Variants in UGT1A10 observed in about 807,000 individuals in gnomAD.
The protein encoded by UGT1A10 is UDP glucuronosyltransferase family 1 member A10.
Under a neutral mutation model 45.8 loss-of-function variants are expected in UGT1A10, and 49 were observed. That is an observed-to-expected ratio of 1.07 (90% CI 0.85 to 1.36). UGT1A10 has a LOEUF of 1.36. Among genes scored for constraint, UGT1A10 ranks in the 40% most tolerant of loss-of-function variants. The pLI is 0.00. For missense variants in UGT1A10, 745 were observed against 668.6 expected (o/e 1.11, Z -1.26); for synonymous variants, 284 against 249.7 (o/e 1.14, Z -1.29).
chr2:233,672,165 T>C (rs748276868), intron 1 of UGT1A10: 3 of 1,614,198 alleles, frequency 1.9e-6, no homozygotes, highest in Admixed American at 1.7e-5. Context: ...TGAAGACTTA[T>C]TCAACTTCAT....
chr2:233,654,920 C>T (rs1008413938), intron 1 of UGT1A10, among the ~76,000 whole-genome samples: 43 of 152,162 alleles, frequency 2.8e-4, no homozygotes, highest in African/African-American at 9.6e-4. Flanking sequence ...GGCAAAACCC[C>T]GTCTCTACTA....
At chr2:233,655,754 G>C in intron 1 of UGT1A10, among the ~76,000 whole-genome samples, 1 of 152,152 alleles carries the variant, frequency 6.6e-6, no homozygotes, top group South Asian at 2.1e-4. Flanking sequence ...GAGGTTCACA[G>C]AGCCCCATCC....
At chr2:233,729,299 C>T in intron 1 of UGT1A10, 2 of 1,614,234 alleles carry the variant, frequency 1.2e-6, no homozygotes, top group Non-Finnish European at 1.7e-6. Flanking sequence ...GGCCACCAGG[C>T]AGTGGTCCTC....
rs963894028 is a variant in UGT1A10 at position 233,682,891 on chromosome 2, T to C, written c.855+45514T>C. The stretch of plus-strand genomic sequence containing the variant: ...ATTTATCATTTACATTTGTCCCATT[T>C]GGAATTTCTTTCTGGTTTAAGGAAT... On this transcript the variant is annotated intron_variant, in intron 1 of 4. Coordinates refer to ENST00000344644, the MANE Select transcript of UGT1A10 (RefSeq NM_019075.4). 6.6e-6 allele frequency: 10 copies of C among 1,508,600 alleles called. No individual in the cohort carries two copies. The African/African-American group carries it at 1.1e-4, about 17-fold the overall frequency. The allele number at this position is 1,508,600 out of a possible 1,614,324, so 93.5% of individuals were successfully genotyped here. A position where few individuals can be genotyped will look rare whatever the true frequency, so the allele number is the denominator to read the frequency against.
intron 1 of UGT1A10, among the ~76,000 whole-genome samples, chr2:233,683,302 A>G (rs2074626925): frequency 6.6e-6 from 1 of 152,108 alleles, no homozygotes; most frequent in South Asian, 2.1e-4. Context: ...TTACAGGTCA[A>G]TGCATACAGA....
chr2:233,705,461 A>C (rs142417974), intron 1 of UGT1A10, among the ~76,000 whole-genome samples: 3,272 of 152,314 alleles, frequency 0.021, 112 homozygotes, highest in African/African-American at 0.075. Flanking sequence ...ATTTTTTAGC[A>C]GACACACATG....
At chr2:233,766,877 C>T (rs3213726) in intron 1 of UGT1A10, among the ~76,000 whole-genome samples, 157 bp from the exon 2 acceptor site, 1 of 152,218 alleles carries the variant, frequency 6.6e-6, no homozygotes, top group Non-Finnish European at 1.5e-5. Flanking sequence ...GAGGAAAATG[C>T]TGTAAAACTT....
intron 1 of UGT1A10, among the ~76,000 whole-genome samples, chr2:233,707,450 C>G (rs191535913): frequency 1.3e-5 from 2 of 151,870 alleles, no homozygotes; most frequent in East Asian, 1.9e-4. Flanking sequence ...ATTTTGCCAC[C>G]TAAATTTGCA....
At chr2:233,738,036 C>T (rs28899194) in intron 1 of UGT1A10, among the ~76,000 whole-genome samples, 5,195 of 152,206 alleles carry the variant, frequency 0.034, 100 homozygotes, top group African/African-American at 0.051. Context: ...ATAATCCCCA[C>T]GTGTTGAGGA....
At chr2:233,690,595 A>G (rs2074998935) in intron 1 of UGT1A10, 1 of 1,289,676 alleles carries the variant, frequency 7.8e-7, no homozygotes, top group Non-Finnish European at 1.0e-6. Flanking sequence ...TGAGAAAAAA[A>G]AAAAATCGGC....
intron 1 of UGT1A10, chr2:233,729,067 A>G (rs2077783738): frequency 6.2e-7 from 1 of 1,611,370 alleles, no homozygotes; most frequent in Admixed American, 1.7e-5. Context: ...AAGATGAAGA[A>G]AGCAAATGTA....
chr2:233,650,968 C>T (rs1460146911), intron 1 of UGT1A10, among the ~76,000 whole-genome samples: 1 of 152,122 alleles, frequency 6.6e-6, no homozygotes, highest in African/African-American at 2.4e-5. Context: ...GACTTTGTAA[C>T]ACAGTTGTAT....
rs191504719 is a variant in UGT1A10, at chr2:233,687,329, T to G, written c.855+49952T>G. Among the ~76,000 whole-genome samples, 6 of 152,310 alleles carry G rather than the reference T, an allele frequency of 3.9e-5. No homozygotes were observed. In the East Asian group the frequency reaches 9.6e-4, roughly 24 times the overall value. The stretch of plus-strand genomic sequence containing the variant: ...GTTGTCTTCTTGATGCAAGTTTCCC[T>G]TGAATGATTTAAACTTCAGATGGGT... On this transcript the variant is annotated intron_variant, in intron 1 of 4. Transcript: ENST00000344644.
At chr2:233,734,648 T>A (rs187362448) in intron 1 of UGT1A10, among the ~76,000 whole-genome samples, 1 of 152,330 alleles carries the variant, frequency 6.6e-6, no homozygotes, top group East Asian at 1.9e-4. Context: ...CCTGTGGGGA[T>A]TTAATGCTAT....
Position 233,643,583 on chromosome 2 carries a change from C to G in UGT1A10, c.855+6206C>G, listed in dbSNP as rs182484074. 2.7e-3 allele frequency among the ~76,000 whole-genome samples: 407 copies of G among 152,120 alleles called. 1 individual carries two copies. The highest frequency in any genetic ancestry group is 9.1e-3 in the African/African-American group (379 of 41,494). On this transcript the variant is annotated intron_variant, in intron 1 of 4. Coordinates refer to ENST00000344644, the MANE Select transcript of UGT1A10 (RefSeq NM_019075.4). ...GTACCTAAGTTATAAGGCAAAGTCC[C>G]CTTTACCTTTCCTTGTGCTTTCCTC...
chr2:233,744,039 G>T, intron 1 of UGT1A10: 2 of 770,652 alleles, frequency 2.6e-6, no homozygotes, highest in Non-Finnish European at 3.6e-6. Context: ...TTATGACGCA[G>T]CCACATCTCA....
At chr2:233,743,969 G>GC in intron 1 of UGT1A10, 3 of 1,324,978 alleles carry the variant, frequency 2.3e-6, no homozygotes, top group South Asian at 2.4e-5. Flanking sequence ...CGGCAAGGCT[G>GC]CCAGCACCCA....
intron 1 of UGT1A10, among the ~76,000 whole-genome samples, chr2:233,668,397 A>G (rs1165325539): frequency 6.6e-6 from 1 of 152,090 alleles, no homozygotes; most frequent in Non-Finnish European, 1.5e-5. Flanking sequence ...ATCCTTTTTT[A>G]TGGCTGCATA....
chr2:233,750,666 G>A (rs931346002), intron 1 of UGT1A10: 3 of 149,178 alleles, frequency 2.0e-5, no homozygotes, highest in Non-Finnish European at 2.9e-5. Flanking sequence ...GGTGCCCTGT[G>A]TCCCAGTGGC....
Sources: allele counts gnomAD v4.1 joint callset (sites outside exome capture counted in the v4.1 genomes callset), GRCh38; gene constraint gnomAD v4.1.1; transcripts MANE v1.5; gene names NCBI Gene and HGNC (gene_info 2026-07-23, HGNC 2026-07-21).